The following NOS1AP variants were observed in gnomAD, a reference collection of about 807,000 sequenced individuals.
NOS1AP encodes the protein nitric oxide synthase 1 adaptor protein.
A neutral mutation model predicts 56.2 loss-of-function variants in NOS1AP; 21 were observed. That is an observed-to-expected ratio of 0.37 (90% CI 0.26 to 0.54). The LOEUF (loss-of-function observed/expected upper bound fraction) is 0.54. Among genes scored for constraint, NOS1AP ranks in the 20% least tolerant of loss-of-function variants. The pLI, the probability that NOS1AP is intolerant of heterozygous loss-of-function variation, is 0.84. For synonymous variants in NOS1AP, 270 were observed against 274.6 expected (o/e 0.98, Z 0.17); for missense variants, 522 against 657.8 (o/e 0.79, Z 2.26).
intron 8 of NOS1AP, chr1:162,363,260 A>T (rs1158294981): frequency 1.3e-5 from 2 of 152,632 alleles, no homozygotes; most frequent in Non-Finnish European, 2.9e-5. Context: ...AGAGCAACTG[A>T]CAGAACTCAG....
intron 1 of NOS1AP, among the ~76,000 whole-genome samples, chr1:162,097,225 C>A (rs1692264967): frequency 6.6e-6 from 1 of 151,614 alleles, no homozygotes; most frequent in Non-Finnish European, 1.5e-5. Context: ...ATTGCCTCTT[C>A]ATATCTCTTG....
intron 2 of NOS1AP, among the ~76,000 whole-genome samples, chr1:162,194,815 C>A (rs1651755082): frequency 6.6e-6 from 1 of 152,132 alleles, no homozygotes; most frequent in Non-Finnish European, 1.5e-5. Context: ...AGTAGAACTT[C>A]ATTTTTATTC....
At chr1:162,329,694 G>T (rs927672643) in intron 4 of NOS1AP, among the ~76,000 whole-genome samples, 2 of 151,614 alleles carry the variant, frequency 1.3e-5, no homozygotes, top group Non-Finnish European at 2.9e-5. Context: ...GAGAAATAAG[G>T]GTTCTTGGAA....
At chr1:162,076,128 C>T (rs1558088218) in intron 1 of NOS1AP, among the ~76,000 whole-genome samples, 2 of 152,170 alleles carry the variant, frequency 1.3e-5, no homozygotes, top group African/African-American at 4.8e-5. Flanking sequence ...TTTCAGAATG[C>T]TTTCGCTGGC....
chr1:162,250,757 C>T (rs1254426637), intron 2 of NOS1AP, among the ~76,000 whole-genome samples: 1 of 152,136 alleles, frequency 6.6e-6, no homozygotes, highest in Non-Finnish European at 1.5e-5. Context: ...GCAGATTCCC[C>T]CTGGCATGCG....
intron 4 of NOS1AP, among the ~76,000 whole-genome samples, chr1:162,305,062 AT>A (rs1655778811): frequency 6.6e-6 from 1 of 152,128 alleles, no homozygotes; most frequent in African/African-American, 2.4e-5. Context: ...ATTAAGTCAA[AT>A]TTTTTATTTA....
intron 2 of NOS1AP, among the ~76,000 whole-genome samples, chr1:162,198,663 C>A (rs1651883691): frequency 6.6e-6 from 1 of 152,122 alleles, no homozygotes; most frequent in Non-Finnish European, 1.5e-5. Flanking sequence ...ATGATTGTTC[C>A]TCTGACTCAA....
intron 3 of NOS1AP, among the ~76,000 whole-genome samples, chr1:162,290,133 T>C (rs933346507): frequency 1.3e-5 from 2 of 152,184 alleles, no homozygotes; most frequent in Non-Finnish European, 2.9e-5. Context: ...AACTACGTCC[T>C]GGGTAATCTC....
rs765424724 is a variant in NOS1AP at position 162,199,636 on chromosome 1, GTGTGTCTGTGTGTA to G, written c.177+45161_177+45174del. On this transcript the variant is annotated intron_variant, in intron 2 of 9. Coordinates refer to ENST00000361897, the MANE Select transcript of NOS1AP (RefSeq NM_014697.3). ...TGTGTGTGTGTGTGTGTGTGTGTGTGTGTGTCTGTGTGTAAATTCTTGCAAATCCTCCTGCCCTG... is the reference window on the plus strand; with the variant it reads ...TGTGTGTGTGTGTGTGTGTGTGTGTGAATTCTTGCAAATCCTCCTGCCCTG... 8.6e-3 allele frequency among the ~76,000 whole-genome samples: 1,068 copies of G among 124,162 alleles called. 11 individuals are homozygous for G. The highest frequency in any genetic ancestry group is 0.032 in the African/African-American group (960 of 30,378). 81.5% of individuals were successfully genotyped at this position (124,162 alleles called of 152,430 possible).
intron 4 of NOS1AP, among the ~76,000 whole-genome samples, chr1:162,310,411 T>G (rs1261542815): frequency 6.6e-6 from 1 of 152,240 alleles, no homozygotes; most frequent in African/African-American, 2.4e-5. Context: ...AAACTGATCA[T>G]CAGGGATGTG....
At chr1:162,233,803 G>T (rs950806889) in intron 2 of NOS1AP, among the ~76,000 whole-genome samples, 10 of 152,136 alleles carry the variant, frequency 6.6e-5, no homozygotes, top group Non-Finnish European at 1.3e-4. Flanking sequence ...CCTACTAAGT[G>T]GTTCCTCTTC....
At position 162,349,751 on chromosome 1, in the gene NOS1AP, G is replaced by A. The variant is rs569913025; in HGVS notation, c.596-5436G>A. Among the ~76,000 whole-genome samples the A allele has an allele frequency of 8.5e-5, 13 of 152,308 alleles. No homozygotes were observed. In the South Asian group the frequency reaches 2.7e-3, roughly 32 times the overall value. On this transcript the variant is annotated intron_variant, in intron 6 of 9. Coordinates refer to ENST00000361897, the MANE Select transcript of NOS1AP (RefSeq NM_014697.3). The stretch of plus-strand genomic sequence containing the variant: ...ATGACCTCATCTGTACAGTGAGGGA[G>A]CTAGACAAGGCCTCTCCAGTACTGA...
chr1:162,137,316 C>T (rs990341253), intron 1 of NOS1AP, among the ~76,000 whole-genome samples: 8 of 152,168 alleles, frequency 5.3e-5, no homozygotes, highest in African/African-American at 1.7e-4. Flanking sequence ...CCCTGTGAGC[C>T]GTTTGTCTGT....
chr1:162,332,908 C>CT, intron 4 of NOS1AP, 109 bp from the exon 5 acceptor site: 1 of 794,870 alleles, frequency 1.3e-6, no homozygotes, highest in South Asian at 1.4e-5. Context: ...TCTGTAATAA[C>CT]TTGGCTCTCA....
At chr1:162,242,553 A>C (rs1343710926) in intron 2 of NOS1AP, among the ~76,000 whole-genome samples, 1 of 152,182 alleles carries the variant, frequency 6.6e-6, no homozygotes, top group African/African-American at 2.4e-5. Flanking sequence ...GTCCAGACCC[A>C]TCAAAATTTC....
chr1:162,220,720 T>A (rs762729782), intron 2 of NOS1AP, among the ~76,000 whole-genome samples: 9 of 152,130 alleles, frequency 5.9e-5, no homozygotes, highest in Non-Finnish European at 1.2e-4. Flanking sequence ...CAAGCAAACC[T>A]TTACTTTCTC....
chr1:162,358,906 T>C (rs181444872), intron 8 of NOS1AP, among the ~76,000 whole-genome samples: 1 of 152,304 alleles, frequency 6.6e-6, no homozygotes, highest in Admixed American at 6.5e-5. Flanking sequence ...ATCCACACAA[T>C]AGTGTTGTGG....
intron 2 of NOS1AP, among the ~76,000 whole-genome samples, chr1:162,203,426 T>C (rs1379294605): frequency 6.6e-6 from 1 of 152,114 alleles, no homozygotes; most frequent in East Asian, 1.9e-4. Context: ...GAACAGCTTT[T>C]CCCCCAGCAC....
At chr1:162,153,185 A>G (rs1649789732) in intron 1 of NOS1AP, among the ~76,000 whole-genome samples, 2 of 152,222 alleles carry the variant, frequency 1.3e-5, no homozygotes, top group African/African-American at 4.8e-5. Context: ...CTAGAGTGCC[A>G]TGGCACGATC....
Sources: allele counts gnomAD v4.1 joint callset (sites outside exome capture counted in the v4.1 genomes callset), GRCh38; gene constraint gnomAD v4.1.1; transcripts MANE v1.5; gene names NCBI Gene and HGNC (gene_info 2026-07-23, HGNC 2026-07-21).